Variants in ANKRD28 observed in about 807,000 individuals in gnomAD.
The protein encoded by ANKRD28 is ankyrin repeat domain 28, also known as serine/threonine-protein phosphatase 6 regulatory ankyrin repeat subunit A.
Under a neutral mutation model 126.5 loss-of-function variants are expected in ANKRD28, and 44 were observed. The ratio of observed to expected loss-of-function variants is 0.35; its 90% CI spans 0.27 to 0.45. ANKRD28 has a LOEUF of 0.45. ANKRD28 is among the 20% of genes least tolerant of loss of function. The pLI is 1.00. For missense variants in ANKRD28, 1,110 were observed against 1,316.6 expected (o/e 0.84, Z 2.43); for synonymous variants, 442 against 468.5 (o/e 0.94, Z 0.73).
intron 1 of ANKRD28, among the ~76,000 whole-genome samples, chr3:15,841,515 T>C (rs576093809): frequency 1.3e-5 from 2 of 152,006 alleles, no homozygotes; most frequent in Non-Finnish European, 2.9e-5. Context: ...GGAGAAAATA[T>C]CTGCAAACTA....
chr3:15,716,716 A>C (rs1012378723), intron 8 of ANKRD28, among the ~76,000 whole-genome samples: 3 of 152,366 alleles, frequency 2.0e-5, no homozygotes, highest in South Asian at 4.1e-4. Context: ...TTGTAATAAT[A>C]ATTTGATTAA....
intron 3 of ANKRD28, among the ~76,000 whole-genome samples, chr3:15,764,852 C>A (rs887197729): frequency 5.9e-5 from 9 of 152,208 alleles, no homozygotes; most frequent in African/African-American, 2.2e-4. Context: ...AAGAAGCTAA[C>A]AAAATATTAG....
chr3:15,750,664 C>T (rs1241489913), intron 4 of ANKRD28, among the ~76,000 whole-genome samples: 2 of 152,126 alleles, frequency 1.3e-5, no homozygotes, highest in African/African-American at 2.4e-5. Context: ...TCTTCACTTG[C>T]CCAGCTATTG....
At chr3:15,859,373 C>G in intron 1 of ANKRD28, 2 of 1,529,212 alleles carry the variant, frequency 1.3e-6, no homozygotes, top group Non-Finnish European at 1.8e-6. Flanking sequence ...AGCCCCTCAC[C>G]TACCTGGTCA....
In ANKRD28 at chr3:15,797,762, TA is replaced by T. The variant is rs1407561947; in HGVS notation, c.-1242del. On this transcript the variant is annotated 5_prime_UTR_variant, in exon 1 of 28. Transcript: ENST00000683139. ...CTTCCACTGTGAAAACCGCCACAGTTATCCTTTTCAGATTTCAAATGCTTTC... is the reference window on the plus strand; with the variant it reads ...CTTCCACTGTGAAAACCGCCACAGTTTCCTTTTCAGATTTCAAATGCTTTC... 2 of 985,322 alleles carry T rather than the reference TA, an allele frequency of 2.0e-6. No homozygotes were observed. The highest frequency in any genetic ancestry group is 6.1e-5 in the Admixed American group (1 of 16,266). 61.0% of individuals were successfully genotyped at this position (985,322 alleles called of 1,614,324 possible).
At chr3:15,855,673 A>G (rs2061750663) in intron 1 of ANKRD28, among the ~76,000 whole-genome samples, 2 of 152,214 alleles carry the variant, frequency 1.3e-5, no homozygotes, top group South Asian at 2.1e-4. Context: ...AGTGAATGAG[A>G]CACAAAAGGC....
chr3:15,839,124 G>C lies in ANKRD28; in HGVS notation c.27+20253C>G, dbSNP rs1333175332. ...AGGTGGGACTAGGAGTAACTGCAAA[G>C]TAGGTACAAGGTATCTTTTTGGGGT... On this transcript the variant is annotated intron_variant, in intron 1 of 27. Coordinates refer to the ANKRD28 transcript ENST00000399451. This position sits in a 1 kb window ranked among gnomAD's most constrained non-coding sequence, Gnocchi z 4.3. Among the ~76,000 whole-genome samples, 2 of 152,188 alleles carry C rather than the reference G, an allele frequency of 1.3e-5. No individual in the cohort carries two copies. The highest frequency in any genetic ancestry group is 2.4e-5 in the African/African-American group (1 of 41,446).
At chr3:15,771,409 CAAA>C (rs35184017) in intron 2 of ANKRD28, among the ~76,000 whole-genome samples, 1 of 115,086 alleles carries the variant, frequency 8.7e-6, no homozygotes, top group Non-Finnish European at 1.8e-5. Flanking sequence ...AACTCTGTCT[CAAA>C]AAAAAAAAAA....
rs1432081927 is a variant in ANKRD28, at chr3:15,812,249, T to C, written c.28-16943A>G. Among the ~76,000 whole-genome samples, 1 of 152,138 alleles carries C rather than the reference T, an allele frequency of 6.6e-6. No homozygotes were observed. The highest frequency in any genetic ancestry group is 1.5e-5 in the Non-Finnish European group (1 of 68,002). ...CATCATAGAGCTGGGCACAGCGGTG[T>C]ACACCTGTAGTCCCAGCTACTTGGG... is the stretch of plus-strand genomic sequence containing the variant. On this transcript the variant is annotated intron_variant, in intron 1 of 27. Transcript: ENST00000399451. This position sits in a 1 kb window ranked among gnomAD's most constrained non-coding sequence, Gnocchi z 4.1.
At chr3:15,673,521 CA>C (rs1157378813) in intron 27 of ANKRD28, among the ~76,000 whole-genome samples, 1 of 151,906 alleles carries the variant, frequency 6.6e-6, no homozygotes, top group Non-Finnish European at 1.5e-5. Flanking sequence ...ATCAACATAA[CA>C]AAAAAGTACA....
At position 15,724,375 on chromosome 3, in the gene ANKRD28, T is replaced by C. The variant is rs201244096; in HGVS notation, c.783+7A>G. The stretch of plus-strand genomic sequence containing the variant: ...ATAATTTTATACTGTTCAATTAATA[T>C]ACCTACATCAACTCCAAGATCTAGA... On this transcript the variant is annotated splice_region_variant and intron_variant, in intron 7 of 27. Transcript: ENST00000683139. 3.5e-5 allele frequency: 56 copies of C among 1,598,470 alleles called. No individual in the cohort carries two copies. Among genetic ancestry groups the C allele is most frequent in the Non-Finnish European group, 4.1e-5 (48 of 1,172,198 alleles).
At chr3:15,711,650 G>C (rs1373321786) in intron 11 of ANKRD28, among the ~76,000 whole-genome samples, 1 of 151,942 alleles carries the variant, frequency 6.6e-6, no homozygotes, top group African/African-American at 2.4e-5. Flanking sequence ...GAGATTAACT[G>C]CTAATGGTCT....
rs117224659 is a variant in ANKRD28, at chr3:15,674,977, T to C, written c.2965+921A>G. On this transcript the variant is annotated intron_variant, in intron 27 of 27. Transcript: ENST00000683139. ...TGACTATACGGAAATTAAGAGAGAA[T>C]GGAAGAATGAGGCTGGACGCTGTGG... is the stretch of plus-strand genomic sequence containing the variant. Among the ~76,000 whole-genome samples, 616 of 151,958 alleles carry C rather than the reference T, an allele frequency of 4.1e-3. 1 individual carries two copies. Among genetic ancestry groups the C allele is most frequent in the East Asian group, 0.023 (117 of 5,170 alleles).
chr3:15,855,377 T>TA (rs149632122), intron 1 of ANKRD28, among the ~76,000 whole-genome samples: 4,921 of 152,202 alleles, frequency 0.032, 108 homozygotes, highest in Non-Finnish European at 0.047. Flanking sequence ...ACCTTAAACA[T>TA]ATCAGTCCTC....
chr3:15,747,458 G>A (rs1463501437), intron 4 of ANKRD28, among the ~76,000 whole-genome samples: 5 of 152,064 alleles, frequency 3.3e-5, no homozygotes, highest in Non-Finnish European at 7.4e-5. Context: ...TTGACCCAAC[G>A]ATCACTCAGG....
At position 15,803,767 on chromosome 3, in the gene ANKRD28, G is replaced by C. The variant is rs947240919; in HGVS notation, c.28-8461C>G. ...TGCTTATTGGAGTTTAAGAAATTTG[G>C]GACTTTTTTAGTTTCCAAATTTATA... On this transcript the variant is annotated intron_variant, in intron 1 of 27. Coordinates refer to the ANKRD28 transcript ENST00000399451. 5.0e-5 allele frequency among the ~76,000 whole-genome samples: 6 copies of C among 120,374 alleles called. 1 individual carries two copies. Among genetic ancestry groups the C allele is most frequent in the Non-Finnish European group, 8.5e-5 (5 of 58,958 alleles). The allele number at this position is 120,374 out of a possible 152,430, so 79.0% of individuals were successfully genotyped here. A position where few individuals can be genotyped will look rare whatever the true frequency, so the allele number is the denominator to read the frequency against.
chr3:15,807,825 T>C lies in ANKRD28; in HGVS notation c.28-12519A>G, dbSNP rs74432850. On this transcript the variant is annotated intron_variant, in intron 1 of 27. Coordinates refer to the ANKRD28 transcript ENST00000399451. The stretch of plus-strand genomic sequence containing the variant: ...CAGTTTTAGAGATAAGCTAAATCGA[T>C]GAATAATAAACAGGAAGATGAAATG... Among the ~76,000 whole-genome samples, 253 of 152,302 alleles carry C rather than the reference T, an allele frequency of 1.7e-3. 6 individuals carry two copies. The East Asian group carries it at 0.041, about 25-fold the overall frequency.
In ANKRD28 at chr3:15,737,100, T is replaced by A; in HGVS notation, c.485A>T (p.Asn162Ile). 6.2e-7 allele frequency: 1 copy of A among 1,614,014 alleles called. No individual in the cohort carries two copies. Among genetic ancestry groups the A allele is most frequent in the Non-Finnish European group, 8.5e-7 (1 of 1,179,898 alleles). ...CAEALVPLLS[N>I]VNVSDRAGRT... ...CCCTGCTCGATCAGATACGTTTACA[T>A]TACTCAGAAGAGGTACCAAAGCTTC... The change falls in exon 5 of 28, where the codon AAT becomes ATT. Residue 162 changes from asparagine (N) to isoleucine (I), a missense_variant. Transcript: ENST00000683139.
chr3:15,673,836 G>C (rs1279463296), intron 27 of ANKRD28, among the ~76,000 whole-genome samples: 1 of 151,972 alleles, frequency 6.6e-6, no homozygotes, highest in Non-Finnish European at 1.5e-5. Flanking sequence ...GAGAAGAGTA[G>C]GAAATAATAT....
Sources: gnomAD v4.1 joint callset for allele counts (sites outside exome capture counted in the v4.1 genomes callset) on GRCh38, gnomAD v4.1.1 for gene constraint, Gnocchi (gnomAD v3.1) non-coding constraint, MANE v1.5 for transcripts, NCBI Gene and HGNC (gene_info 2026-07-23, HGNC 2026-07-21) for gene names.